The following PRKACB variants were observed in gnomAD, a reference collection of about 807,000 sequenced individuals.
The protein encoded by PRKACB is cAMP-dependent protein kinase catalytic subunit beta.
Under a neutral mutation model 51.4 loss-of-function variants are expected in PRKACB, and 16 were observed. The ratio of observed to expected loss-of-function variants is 0.31; its 90% CI spans 0.21 to 0.47. The LOEUF (loss-of-function observed/expected upper bound fraction) is 0.47, where lower values mean the gene tolerates loss of function less well. PRKACB is among the 20% of genes least tolerant of loss of function. The probability of loss-of-function intolerance (pLI) is 1.00; values close to 1 mark genes in which losing one functional copy is unlikely to be tolerated. For missense variants in PRKACB, 309 were observed against 464.5 expected (o/e 0.67, Z 3.08); for synonymous variants, 147 against 154.4 (o/e 0.95, Z 0.35).
At chr1:84,166,275 A>C (rs1252432813) in intron 1 of PRKACB, among the ~76,000 whole-genome samples, 1 of 151,738 alleles carries the variant, frequency 6.6e-6, no homozygotes, top group Non-Finnish European at 1.5e-5. Context: ...TTCTATGGAT[A>C]TCAAACTGAA....
chr1:84,164,079 CTG>C (rs1309858179), intron 1 of PRKACB, among the ~76,000 whole-genome samples: 1 of 151,994 alleles, frequency 6.6e-6, no homozygotes, highest in Non-Finnish European at 1.5e-5. Flanking sequence ...GCATCTGACA[CTG>C]TTTGTAATGC....
At position 84,189,599 on chromosome 1, in the gene PRKACB, G is replaced by A. The variant is rs1294252746; in HGVS notation, c.560+4417G>A. 2.0e-5 allele frequency among the ~76,000 whole-genome samples: 3 copies of A among 151,846 alleles called. No homozygotes were observed. The East Asian group carries it at 5.8e-4, about 29-fold the overall frequency. On this transcript the variant is annotated intron_variant, in intron 5 of 9. Coordinates refer to ENST00000370685, the MANE Select transcript of PRKACB (RefSeq NM_182948.4). Reference sequence around the variant, plus strand: ...TCATGTGTAGTGTGACACAGCAAAAGCCGAACTTCTGAAATATAAATTTCA... The same window carrying A: ...TCATGTGTAGTGTGACACAGCAAAAACCGAACTTCTGAAATATAAATTTCA...
chr1:84,090,038 A>G (rs1377733092), intron 1 of PRKACB, among the ~76,000 whole-genome samples: 1 of 152,198 alleles, frequency 6.6e-6, no homozygotes, highest in African/African-American at 2.4e-5. Flanking sequence ...AGAGCTAAGC[A>G]CTGCTAGAGA....
intron 1 of PRKACB, among the ~76,000 whole-genome samples, chr1:84,118,399 AT>A (rs1230227904): frequency 1.3e-5 from 2 of 152,166 alleles, no homozygotes; most frequent in African/African-American, 2.4e-5. Flanking sequence ...AAATCCCATT[AT>A]TTGTAATTTT....
chr1:84,160,284 A>T (rs2100693427), intron 1 of PRKACB, among the ~76,000 whole-genome samples: 1 of 151,964 alleles, frequency 6.6e-6, no homozygotes, highest in East Asian at 1.9e-4. Context: ...AGTGTTGGTA[A>T]TTTGTGCCTA....
At chr1:84,175,433 A>T (rs1432339576) in intron 1 of PRKACB, among the ~76,000 whole-genome samples, 3 of 151,742 alleles carry the variant, frequency 2.0e-5, no homozygotes, top group Non-Finnish European at 4.4e-5. Flanking sequence ...GTGACTAACA[A>T]CATACTCTTT....
chr1:84,230,434 A>G (rs1028251761), intron 9 of PRKACB, among the ~76,000 whole-genome samples: 1 of 152,076 alleles, frequency 6.6e-6, no homozygotes, highest in African/African-American at 2.4e-5. Context: ...TTGGTTCCAT[A>G]TGAACTTTAA....
chr1:84,184,147 T>C lies in PRKACB; in HGVS notation c.477+12T>C, dbSNP rs1437743220. 6.3e-7 allele frequency: 1 copy of C among 1,588,888 alleles called. No homozygotes were observed. Among genetic ancestry groups the C allele is most frequent in the Admixed American group, 1.8e-5 (1 of 55,896 alleles). ...AGTATGCTTTTAAGGTAAATTTTAG[T>C]AATATCTAAATAAGATATTTTCAAC... On this transcript the variant is annotated intron_variant, in intron 4 of 9. Coordinates refer to ENST00000370685, the MANE Select transcript of PRKACB (RefSeq NM_182948.4).
intron 1 of PRKACB, chr1:84,175,688 AGTT>A (rs2100886343): frequency 1.1e-6 from 1 of 884,338 alleles, no homozygotes; most frequent in Admixed American, 3.3e-5. Flanking sequence ...ATAAGAAGTA[AGTT>A]GTGTTTTTAT....
chr1:84,209,395 C>G (rs937228619), intron 8 of PRKACB, among the ~76,000 whole-genome samples: 23 of 152,114 alleles, frequency 1.5e-4, no homozygotes, highest in African/African-American at 5.6e-4. Context: ...CTCCACGAAG[C>G]CTTCCCCATC....
intron 1 of PRKACB, among the ~76,000 whole-genome samples, chr1:84,110,473 A>T (rs1336728363): frequency 6.6e-6 from 1 of 151,720 alleles, no homozygotes; most frequent in East Asian, 1.9e-4. Context: ...CTGTATCATC[A>T]TCTTATTCTC....
At chr1:84,116,340 T>C (rs1000251356) in intron 1 of PRKACB, among the ~76,000 whole-genome samples, 1 of 152,214 alleles carries the variant, frequency 6.6e-6, no homozygotes, top group African/African-American at 2.4e-5. Context: ...CCTTTTAGGT[T>C]GCACATGAAT....
At chr1:84,204,379 G>A (rs1670983859) in intron 8 of PRKACB, 1 of 854,080 alleles carries the variant, frequency 1.2e-6, no homozygotes, top group Non-Finnish European at 1.9e-6. Flanking sequence ...AAAGCAGAAT[G>A]CAGTACTTAT....
chr1:84,104,077 A>G (rs1649548576), intron 1 of PRKACB, among the ~76,000 whole-genome samples: 1 of 152,114 alleles, frequency 6.6e-6, no homozygotes, highest in Middle Eastern at 3.2e-3. Context: ...TTTCCTATCT[A>G]GCTGTGATTT....
intron 1 of PRKACB, among the ~76,000 whole-genome samples, chr1:84,131,557 A>G (rs1270604118): frequency 6.6e-6 from 1 of 152,202 alleles, no homozygotes; most frequent in Admixed American, 6.5e-5. Context: ...CCTAGAATCT[A>G]CCACTAGCAT....
chr1:84,144,599 A>C lies in PRKACB; in HGVS notation c.187+51A>C, dbSNP rs777528335. On this transcript the variant is annotated intron_variant, in intron 1 of 9. Coordinates refer to ENST00000370685, the MANE Select transcript of PRKACB (RefSeq NM_182948.4). ...ATTATAACTAGCAACTAAAATGGTAATTGGAGTTTTACAATCAAACATAAA... is the reference window on the plus strand; with the variant it reads ...ATTATAACTAGCAACTAAAATGGTACTTGGAGTTTTACAATCAAACATAAA... The C allele has an allele frequency of 1.0e-5, 15 of 1,494,130 alleles. No individual in the cohort carries two copies. The Admixed American group carries it at 2.0e-4, about 20-fold the overall frequency. The allele number at this position is 1,494,130 out of a possible 1,614,324, so 92.6% of individuals were successfully genotyped here. A position where few individuals can be genotyped will look rare whatever the true frequency, so the allele number is the denominator to read the frequency against.
chr1:84,129,131 TTAAA>T, intron 1 of PRKACB, among the ~76,000 whole-genome samples: 1 of 152,268 alleles, frequency 6.6e-6, no homozygotes, highest in East Asian at 1.9e-4. Flanking sequence ...AATTGTGAGA[TTAAA>T]TAAATTTCCA....
intron 9 of PRKACB, among the ~76,000 whole-genome samples, chr1:84,214,988 C>T (rs1397431286): frequency 6.6e-6 from 1 of 152,174 alleles, no homozygotes; most frequent in Non-Finnish European, 1.5e-5. Flanking sequence ...TGTAGTTGCC[C>T]ATCCAGAATT....
chr1:84,185,368 A>G (rs527627324), intron 5 of PRKACB, among the ~76,000 whole-genome samples, 186 bp downstream of exon 5: 2 of 151,948 alleles, frequency 1.3e-5, no homozygotes, highest in South Asian at 4.1e-4. Context: ...AAAATTTAAT[A>G]TAAAAAAAGG....
Sources: allele counts gnomAD v4.1 joint callset (sites outside exome capture counted in the v4.1 genomes callset), GRCh38; gene constraint gnomAD v4.1.1; transcripts MANE v1.5; gene names NCBI Gene and HGNC (gene_info 2026-07-23, HGNC 2026-07-21).